The following SPP2 variants were observed in gnomAD, a reference collection of about 807,000 sequenced individuals.
SPP2 encodes the protein secreted phosphoprotein 24.
SPP2 carries 34 observed loss-of-function variants against 28.8 expected under a neutral mutation model. The observed-to-expected ratio is 1.18, with a 90% CI of 0.90 to 1.57. The LOEUF is 1.57. Among genes scored for constraint, SPP2 ranks in the 40% most tolerant of loss-of-function variants. SPP2 has a pLI of 0.00. For missense variants in SPP2, 269 were observed against 263.9 expected, an observed-to-expected ratio of 1.02 and a Z score of -0.13; for synonymous variants, 96 against 89.4, an observed-to-expected ratio of 1.07 and a Z score of -0.42.
intron 6 of SPP2, among the ~76,000 whole-genome samples, chr2:234,068,719 T>C (rs75076869): frequency 2.0e-5 from 3 of 148,814 alleles, no homozygotes; most frequent in Non-Finnish European, 4.5e-5. Flanking sequence ...TTTTTTTTTT[T>C]AAATCTCCGT....
chr2:234,067,170 A>G, intron 5 of SPP2, 54 bp from the exon 6 acceptor site: 1 of 1,508,352 alleles, frequency 6.6e-7, no homozygotes, highest in Non-Finnish European at 9.2e-7. Context: ...AAAGTCATAG[A>G]ACATTCTGGA....
intron 2 of SPP2, among the ~76,000 whole-genome samples, chr2:234,052,110 T>C (rs1016272903): frequency 8.5e-5 from 13 of 152,136 alleles, no homozygotes; most frequent in African/African-American, 2.9e-4. Flanking sequence ...TATTTTCTAG[T>C]TTGATTATAG....
At chr2:234,074,338 T>C (rs1019647285) in intron 7 of SPP2, among the ~76,000 whole-genome samples, 1 of 152,166 alleles carries the variant, frequency 6.6e-6, no homozygotes, top group Non-Finnish European at 1.5e-5. Context: ...CTGCTTATCA[T>C]CAACTATGTG....
chr2:234,060,856 G>T (rs10178472), intron 4 of SPP2, among the ~76,000 whole-genome samples: 43,524 of 151,826 alleles, frequency 0.29, 6,374 homozygotes, highest in South Asian at 0.48. Flanking sequence ...TAAAGTTTCA[G>T]ATCTAAGTAT....
At chr2:234,060,087 C>A (rs751111085) in intron 3 of SPP2, among the ~76,000 whole-genome samples, 17 of 152,010 alleles carry the variant, frequency 1.1e-4, no homozygotes, top group Non-Finnish European at 1.6e-4. Flanking sequence ...TCTTTTTGTC[C>A]GAATGAAAAT....
At chr2:234,057,213 T>A (rs1026987453) in intron 2 of SPP2, among the ~76,000 whole-genome samples, 2 of 152,136 alleles carry the variant, frequency 1.3e-5, no homozygotes, top group African/African-American at 4.8e-5. Context: ...CTTAAAACTC[T>A]GTGATAGCAT....
At chr2:234,059,914 G>C (rs1693683808) in intron 3 of SPP2, among the ~76,000 whole-genome samples, 1 of 148,568 alleles carries the variant, frequency 6.7e-6, no homozygotes, top group South Asian at 2.1e-4. Context: ...CGTGGGTTTT[G>C]TTACTTAAAA....
At chr2:234,054,196 G>A (rs904398736) in intron 2 of SPP2, among the ~76,000 whole-genome samples, 8 of 152,160 alleles carry the variant, frequency 5.3e-5, no homozygotes, top group South Asian at 2.1e-4. Context: ...CCTGAAGGAC[G>A]AAAGACCTTG....
intron 4 of SPP2, among the ~76,000 whole-genome samples, chr2:234,065,715 T>C (rs775939783): frequency 8.5e-5 from 13 of 152,364 alleles, no homozygotes; most frequent in Middle Eastern, 3.4e-3. Context: ...TGTTTTGAAA[T>C]ATTTTCTCCC....
intron 4 of SPP2, among the ~76,000 whole-genome samples, chr2:234,061,793 A>G (rs1693724378): frequency 6.6e-6 from 1 of 152,200 alleles, no homozygotes; most frequent in African/African-American, 2.4e-5. Flanking sequence ...GACTTTCTCC[A>G]CAAAAAGTTC....
chr2:234,058,962 A>C lies in SPP2; in HGVS notation c.333+4A>C. 1 of 1,610,880 alleles carries C rather than the reference A, an allele frequency of 6.2e-7. No individual in the cohort carries two copies. The highest frequency in any genetic ancestry group is 8.5e-7 in the Non-Finnish European group (1 of 1,178,866). On this transcript the variant is annotated splice_donor_region_variant and intron_variant, in intron 3 of 7. Transcript: ENST00000168148. Reference sequence around the variant, plus strand: ...CTTCCAGAGGGACTACTATGTGGTAAGTGGGAGGAGACCCATCCCAGAAAT... The same window carrying C: ...CTTCCAGAGGGACTACTATGTGGTACGTGGGAGGAGACCCATCCCAGAAAT...
intron 4 of SPP2, among the ~76,000 whole-genome samples, chr2:234,062,989 T>C (rs1427864368): frequency 6.6e-6 from 1 of 152,192 alleles, no homozygotes; most frequent in Non-Finnish European, 1.5e-5. Context: ...TAGGTGATCA[T>C]AAACATTTTT....
At position 234,074,888 on chromosome 2, in the gene SPP2, A is replaced by G. The variant is rs567775598; in HGVS notation, c.*11-1957A>G. On this transcript the variant is annotated intron_variant, in intron 7 of 7. Coordinates refer to ENST00000168148, the MANE Select transcript of SPP2 (RefSeq NM_006944.3). ...CCTGAATGAAGCTTCTCTAACACAC[A>G]CATTTTCTCTGTAAGGCACATCACA... Among the ~76,000 whole-genome samples, 3 of 152,070 alleles carry G rather than the reference A, an allele frequency of 2.0e-5. No homozygotes were observed. The East Asian group carries it at 5.8e-4, about 29-fold the overall frequency.
chr2:234,064,579 T>A (rs966361376), intron 4 of SPP2, among the ~76,000 whole-genome samples: 7 of 152,200 alleles, frequency 4.6e-5, no homozygotes, highest in Non-Finnish European at 8.8e-5. Context: ...GAGATATAAT[T>A]TACATACCAT....
intron 4 of SPP2, among the ~76,000 whole-genome samples, chr2:234,062,347 G>A (rs912470198): frequency 7.2e-5 from 11 of 152,176 alleles, no homozygotes; most frequent in Non-Finnish European, 1.5e-4. Flanking sequence ...GGTATTTCAA[G>A]CATAGGGGAA....
At chr2:234,075,811 C>T (rs1180348095) in intron 7 of SPP2, among the ~76,000 whole-genome samples, 5 of 152,160 alleles carry the variant, frequency 3.3e-5, no homozygotes, top group African/African-American at 4.8e-5. Flanking sequence ...TTCCACACCA[C>T]GTTCAAAATG....
chr2:234,052,944 A>G (rs1278528874), intron 2 of SPP2, among the ~76,000 whole-genome samples: 1 of 152,214 alleles, frequency 6.6e-6, no homozygotes. Flanking sequence ...CAAATATACC[A>G]ATTCTCTCTA....
At chr2:234,055,906 T>A (rs1693596817) in intron 2 of SPP2, among the ~76,000 whole-genome samples, 1 of 152,092 alleles carries the variant, frequency 6.6e-6, no homozygotes. Flanking sequence ...TCTTGGTAAG[T>A]TTTTTTATTA....
rs1690911782 is a variant in SPP2 at position 234,077,006 on chromosome 2, A to T, written c.*172A>T. 1 of 151,618 alleles carries T rather than the reference A, an allele frequency of 6.6e-6. No homozygotes were observed. The highest frequency in any genetic ancestry group is 1.5e-5 in the Non-Finnish European group (1 of 67,966). 9.4% of individuals were successfully genotyped at this position (151,618 alleles called of 1,614,324 possible). On this transcript the variant is annotated 3_prime_UTR_variant, in exon 8 of 8. Coordinates refer to ENST00000168148, the MANE Select transcript of SPP2 (RefSeq NM_006944.3). ...CATGCCACGGTGGTCTGACCCTCAC[A>T]CTCCTTTTCTCTTAACAGCAAAATG...
Sources: gnomAD v4.1 joint callset for allele counts (sites outside exome capture counted in the v4.1 genomes callset) on GRCh38, gnomAD v4.1.1 for gene constraint, MANE v1.5 for transcripts, NCBI Gene and HGNC (gene_info 2026-07-23, HGNC 2026-07-21) for gene names.